The following RFTN2 variants were observed in gnomAD, a reference collection of about 807,000 sequenced individuals.
RFTN2 encodes raftlin-2.
Under a neutral mutation model 52.7 loss-of-function variants are expected in RFTN2, and 34 were observed. The observed-to-expected ratio is 0.64, with a 90% confidence interval of 0.49 to 0.86. RFTN2 has a LOEUF of 0.86. RFTN2 is among the 40% of genes least tolerant of loss of function. The probability of loss-of-function intolerance (pLI) is 0.00; values close to 1 mark genes in which losing one functional copy is unlikely to be tolerated. For missense variants in RFTN2, 536 were observed against 600.1 expected (o/e 0.89, Z 1.12); for synonymous variants, 203 against 217.7 (o/e 0.93, Z 0.59).
chr2:197,646,620 T>C lies in RFTN2; in HGVS notation c.186A>G (p.Ile62Met), dbSNP rs2088753968. ...GATAATAGTTTTCCACTTTTGTTACTATATCCAGAATTGAATTTATCTTGA... is the reference window on the plus strand; with the variant it reads ...GATAATAGTTTTCCACTTTTGTTACCATATCCAGAATTGAATTTATCTTGA... ...EVIKINSILD[I>M]VTKVENYYLK... Residue 62 changes from isoleucine to methionine, a missense_variant, in exon 2 of 9, where the codon ATA becomes ATG. By Grantham distance (10) the Ile-to-Met change is conservative. Coordinates refer to ENST00000295049, the MANE Select transcript of RFTN2 (RefSeq NM_144629.3). 2 of 1,613,186 alleles carry C rather than the reference T, an allele frequency of 1.2e-6. No individual in the cohort carries two copies. Among genetic ancestry groups the C allele is most frequent in the African/African-American group, 1.3e-5 (1 of 74,936 alleles).
At chr2:197,608,145 A>G (rs1169252135) in intron 7 of RFTN2, among the ~76,000 whole-genome samples, 3 of 152,080 alleles carry the variant, frequency 2.0e-5, no homozygotes, top group African/African-American at 7.2e-5. Flanking sequence ...ATTGAGATTG[A>G]GATTGGGACT....
chr2:197,590,909 A>T (rs958830525), intron 8 of RFTN2, among the ~76,000 whole-genome samples: 1 of 152,312 alleles, frequency 6.6e-6, no homozygotes, highest in Non-Finnish European at 1.5e-5. Context: ...TATTGCAAAA[A>T]GTAAAAAAAC....
At chr2:197,653,083 C>A (rs1403689250) in intron 1 of RFTN2, among the ~76,000 whole-genome samples, 2 of 152,066 alleles carry the variant, frequency 1.3e-5, no homozygotes, top group African/African-American at 2.4e-5. Context: ...TACTATTTAC[C>A]TAATTATATT....
intron 7 of RFTN2, among the ~76,000 whole-genome samples, chr2:197,606,736 T>C (rs1241778402): frequency 1.3e-5 from 2 of 150,788 alleles, no homozygotes; most frequent in African/African-American, 2.5e-5. Context: ...AAAATGCTCA[T>C]CATCACTGGC....
At chr2:197,594,181 A>C (rs2087760857) in intron 8 of RFTN2, among the ~76,000 whole-genome samples, 1 of 151,214 alleles carries the variant, frequency 6.6e-6, no homozygotes, top group Admixed American at 6.6e-5. Flanking sequence ...ACGCCTGGCT[A>C]ATTTTTGTAT....
At chr2:197,593,418 T>C (rs1198253451) in intron 8 of RFTN2, among the ~76,000 whole-genome samples, 1 of 152,064 alleles carries the variant, frequency 6.6e-6, no homozygotes, top group Non-Finnish European at 1.5e-5. Flanking sequence ...CTGCATATTT[T>C]TGGGGAATTA....
chr2:197,598,276 C>T (rs140764078), intron 7 of RFTN2, among the ~76,000 whole-genome samples: 8 of 152,076 alleles, frequency 5.3e-5, no homozygotes, highest in South Asian at 2.1e-4. Context: ...CTATTGATCA[C>T]GCCACTGAAC....
chr2:197,674,959 T>C (rs2089196310), intron 1 of RFTN2, among the ~76,000 whole-genome samples: 1 of 152,194 alleles, frequency 6.6e-6, no homozygotes, highest in African/African-American at 2.4e-5. Context: ...TAATACCTTA[T>C]TGTGATTTTC....
chr2:197,626,746 G>T (rs1053030779), intron 5 of RFTN2, among the ~76,000 whole-genome samples: 12 of 149,554 alleles, frequency 8.0e-5, no homozygotes, highest in African/African-American at 2.5e-4. Flanking sequence ...AGCCTCCTGA[G>T]TAGCTGGGAC....
At chr2:197,628,338 C>T (rs936625477) in intron 5 of RFTN2, among the ~76,000 whole-genome samples, 2 of 152,026 alleles carry the variant, frequency 1.3e-5, no homozygotes, top group Admixed American at 6.5e-5. Context: ...AGATTCTGCA[C>T]CCCCGTCTCC....
chr2:197,634,392 A>G (rs1169572164), intron 3 of RFTN2, among the ~76,000 whole-genome samples: 2 of 152,170 alleles, frequency 1.3e-5, no homozygotes, highest in African/African-American at 2.4e-5. Flanking sequence ...ATACATCTTC[A>G]TTAATAAAGG....
chr2:197,668,645 A>G (rs6719832), intron 1 of RFTN2, among the ~76,000 whole-genome samples: 103,614 of 152,050 alleles, frequency 0.68, 35,648 homozygotes, highest in Middle Eastern at 0.85. Flanking sequence ...TGCCTCAGTC[A>G]TAGGGCAACA....
chr2:197,630,651 A>G (rs1412348173), intron 5 of RFTN2, among the ~76,000 whole-genome samples: 1 of 152,220 alleles, frequency 6.6e-6, no homozygotes, highest in African/African-American at 2.4e-5. Context: ...CAAAATTGGG[A>G]TAATGTAATA....
At chr2:197,646,027 GA>G (rs950859749) in intron 2 of RFTN2, among the ~76,000 whole-genome samples, 24 of 145,732 alleles carry the variant, frequency 1.6e-4, no homozygotes, top group Middle Eastern at 3.5e-3. Flanking sequence ...ACTCTGTCTT[GA>G]AAAAAAAAAA....
At chr2:197,614,087 G>A (rs1329745581) in intron 7 of RFTN2, among the ~76,000 whole-genome samples, 4 of 152,204 alleles carry the variant, frequency 2.6e-5, no homozygotes, top group East Asian at 3.9e-4. Flanking sequence ...ATTAGTTACT[G>A]TATTATATTA....
chr2:197,589,251 A>C (rs970824775), intron 8 of RFTN2, among the ~76,000 whole-genome samples: 3 of 139,574 alleles, frequency 2.1e-5, no homozygotes, highest in African/African-American at 7.7e-5. Flanking sequence ...AAAAAAAAAA[A>C]AAGGAGTTCC....
chr2:197,646,738 T>A, intron 1 of RFTN2, 72 bp from the exon 2 acceptor site: 1 of 1,186,104 alleles, frequency 8.4e-7, no homozygotes, highest in Non-Finnish European at 1.2e-6. Context: ...TACCTATGGG[T>A]GATAATACTA....
Position 197,631,032 on chromosome 2 carries a change from CAAAAGAA to C in RFTN2, c.900_906del (p.Asp300GlufsTer41). 6.2e-7 allele frequency: 1 copy of C among 1,607,944 alleles called. No homozygotes were observed. The highest frequency in any genetic ancestry group is 8.5e-7 in the Non-Finnish European group (1 of 1,175,238). The stretch of plus-strand genomic sequence containing the variant: ...TTACCTTTAGATGTTTCCCAGAATA[CAAAAGAA>C]TCAATTAAAGACAAGCCTTGTTTAT... On this transcript the variant is annotated frameshift_variant, in exon 5 of 9. Coordinates refer to ENST00000295049, the MANE Select transcript of RFTN2 (RefSeq NM_144629.3). LOFTEE classifies it high-confidence loss of function.
In RFTN2 at chr2:197,640,006, A is replaced by G. The variant is rs1158144113; in HGVS notation, c.438+4152T>C. 7.1e-3 allele frequency among the ~76,000 whole-genome samples: 1,078 copies of G among 151,914 alleles called. 9 individuals are homozygous for G. Among genetic ancestry groups the G allele is most frequent in the Admixed American group, 9.8e-3 (149 of 15,248 alleles). Reference sequence around the variant, plus strand: ...CTGTTGGAATACCCTGCCGTGTGAGATGTCAGTGTGCCCCTGCTGGGGGTG... The same window carrying G: ...CTGTTGGAATACCCTGCCGTGTGAGGTGTCAGTGTGCCCCTGCTGGGGGTG... On this transcript the variant is annotated intron_variant, in intron 3 of 8. Transcript: ENST00000295049.
Sources: allele counts gnomAD v4.1 joint callset (sites outside exome capture counted in the v4.1 genomes callset), GRCh38; gene constraint gnomAD v4.1.1; transcripts MANE v1.5; gene names NCBI Gene and HGNC (gene_info 2026-07-23, HGNC 2026-07-21).